Variants in KDM4B observed in about 807,000 individuals in gnomAD.
KDM4B encodes lysine-specific demethylase 4B.
KDM4B carries 32 observed loss-of-function variants against 125.2 expected under a neutral mutation model. That is an observed-to-expected ratio of 0.26 (90% confidence interval 0.19 to 0.34). The LOEUF is 0.34. Ranked by LOEUF, KDM4B falls within the 10% of genes least tolerant of loss-of-function variation. The pLI, the probability that KDM4B is intolerant of heterozygous loss-of-function variation, is 1.00. For synonymous variants in KDM4B, 721 were observed against 677.9 expected, an observed-to-expected ratio of 1.06 and a Z score of -0.99; for missense variants, 1,190 against 1,577.7, an observed-to-expected ratio of 0.75 and a Z score of 4.16.
At chr19:5,147,113 G>A (rs1275623807) in intron 21 of KDM4B, among the ~76,000 whole-genome samples, 1 of 151,540 alleles carries the variant, frequency 6.6e-6, no homozygotes, top group African/African-American at 2.4e-5. Flanking sequence ...GGGAGGTTGA[G>A]CCAGGACCTC....
intron 11 of KDM4B, among the ~76,000 whole-genome samples, chr19:5,124,860 TGCTGGGATTACAGG>T (rs2039422815): frequency 6.6e-6 from 1 of 152,140 alleles, no homozygotes; most frequent in African/African-American, 2.4e-5. Context: ...CCTCCCAAGG[TGCTGGGATTACAGG>T]CCCGAGCCAC....
chr19:5,035,257 C>T lies in KDM4B; in HGVS notation c.141+2226C>T, dbSNP rs919603865. The stretch of plus-strand genomic sequence containing the variant: ...TCCCTTTATCCTGGCACCGCATCTG[C>T]CTCTGTCTCCTGCCCTTGACCTACT... On this transcript the variant is annotated intron_variant, in intron 3 of 22. Coordinates refer to ENST00000159111, the MANE Select transcript of KDM4B (RefSeq NM_015015.3). The surrounding 1 kb of genome is among the most constrained non-coding windows in gnomAD (Gnocchi z 5.3). Among the ~76,000 whole-genome samples the T allele has an allele frequency of 1.3e-5, 2 of 152,170 alleles. No individual in the cohort carries two copies. Among genetic ancestry groups the T allele is most frequent in the Admixed American group, 6.5e-5 (1 of 15,284 alleles).
intron 6 of KDM4B, among the ~76,000 whole-genome samples, chr19:5,056,547 A>G (rs1166642165): frequency 6.6e-6 from 1 of 151,928 alleles, no homozygotes; most frequent in Non-Finnish European, 1.5e-5. Flanking sequence ...CTGAGATTAC[A>G]GGTGCGTGCT....
chr19:5,029,212 C>G (rs1266369209), intron 2 of KDM4B, among the ~76,000 whole-genome samples: 1 of 152,214 alleles, frequency 6.6e-6, no homozygotes, highest in Non-Finnish European at 1.5e-5. Flanking sequence ...CGCCCACCAG[C>G]CTTGGCCCAT....
intron 2 of KDM4B, among the ~76,000 whole-genome samples, chr19:5,018,423 A>G (rs143383664): frequency 9.9e-4 from 151 of 152,310 alleles, no homozygotes; most frequent in East Asian, 5.8e-3. Flanking sequence ...GGGAGAGCAC[A>G]GGAGACAGGA....
chr19:5,021,442 A>C (rs556853054), intron 2 of KDM4B, among the ~76,000 whole-genome samples: 43 of 152,180 alleles, frequency 2.8e-4, no homozygotes, highest in South Asian at 2.5e-3. Context: ...AAACAAATAC[A>C]GAAAGTACTG....
chr19:5,087,831 T>C (rs1388026777), intron 9 of KDM4B, among the ~76,000 whole-genome samples: 1 of 152,136 alleles, frequency 6.6e-6, no homozygotes, highest in Non-Finnish European at 1.5e-5. Flanking sequence ...CCTGACAGAC[T>C]CCCACCTTGA....
intron 9 of KDM4B, among the ~76,000 whole-genome samples, chr19:5,108,582 CAA>C (rs149003009): frequency 2.3e-3 from 355 of 152,286 alleles, no homozygotes; most frequent in African/African-American, 8.0e-3. Flanking sequence ...TGTCTCCAAG[CAA>C]AGTGTGGGCC....
At position 5,081,373 on chromosome 19, in the gene KDM4B, G is replaced by A. The variant is rs927481885; in HGVS notation, c.781-994G>A. On this transcript the variant is annotated intron_variant, in intron 8 of 22. Coordinates refer to ENST00000159111, the MANE Select transcript of KDM4B (RefSeq NM_015015.3). This position sits in a 1 kb window ranked among gnomAD's most constrained non-coding sequence, Gnocchi z 4.2. ...ATCAACGGGCTTAGCAGTGAGCAGG[G>A]AGTGGGGGTCAGTGTGGCCATCTCG... 3.3e-5 allele frequency among the ~76,000 whole-genome samples: 5 copies of A among 152,190 alleles called. No individual in the cohort carries two copies. Among genetic ancestry groups the A allele is most frequent in the African/African-American group, 1.2e-4 (5 of 41,452 alleles).
At chr19:4,998,214 C>A (rs1272757331) in intron 1 of KDM4B, among the ~76,000 whole-genome samples, 1 of 152,172 alleles carries the variant, frequency 6.6e-6, no homozygotes, top group Non-Finnish European at 1.5e-5. Flanking sequence ...GAGTGCCTGG[C>A]AAAGATGTAG....
chr19:5,117,651 G>A (rs927367090), intron 10 of KDM4B, among the ~76,000 whole-genome samples: 2 of 152,172 alleles, frequency 1.3e-5, no homozygotes, highest in Admixed American at 6.5e-5. Flanking sequence ...TCCCAGAGCC[G>A]TCCTTGGGCT....
chr19:5,034,652 C>T (rs1333404322), intron 3 of KDM4B, among the ~76,000 whole-genome samples: 3 of 152,238 alleles, frequency 2.0e-5, no homozygotes, highest in Non-Finnish European at 2.9e-5. Context: ...TCCGGGCCGC[C>T]TCCACCCTGC....
rs1351552996 is a variant in KDM4B at position 5,115,555 on chromosome 19, G to A, written c.1116-4098G>A. Among the ~76,000 whole-genome samples, 5 of 152,168 alleles carry A rather than the reference G, an allele frequency of 3.3e-5. No homozygotes were observed. The highest frequency in any genetic ancestry group is 1.9e-4 in the East Asian group (1 of 5,194). On this transcript the variant is annotated intron_variant, in intron 10 of 22. Transcript: ENST00000159111. This position sits in a 1 kb window ranked among gnomAD's most constrained non-coding sequence, Gnocchi z 4.2. ...CCTTCACCAGGCCCAGCTCACACAC[G>A]GCTTGGCACCGTGCACAGAGGGATC...
intron 9 of KDM4B, among the ~76,000 whole-genome samples, chr19:5,108,239 C>T (rs1200847661): frequency 2.0e-5 from 3 of 152,204 alleles, no homozygotes; most frequent in African/African-American, 4.8e-5. Context: ...ATGGGGATGC[C>T]GGGGCAGTCG....
At chr19:5,032,700 C>T (rs1303168817) in intron 2 of KDM4B, among the ~76,000 whole-genome samples, 166 bp from the exon 3 acceptor site, 12 of 152,196 alleles carry the variant, frequency 7.9e-5, no homozygotes, top group Non-Finnish European at 1.2e-4. Flanking sequence ...GTGACGAGGC[C>T]GCTCGTGGTT....
At chr19:5,131,574 AGG>A in intron 12 of KDM4B, 29 bp downstream of exon 12, 5 of 140,376 alleles carry the variant, frequency 3.6e-5, no homozygotes, top group East Asian at 1.7e-4. Context: ...GGCAGGGAGG[AGG>A]GGGGCAGGTG....
At chr19:5,150,292 G>A (rs764949514) in intron 21 of KDM4B, 66 bp from the exon 22 acceptor site, 21 of 1,401,412 alleles carry the variant, frequency 1.5e-5, no homozygotes, top group Admixed American at 4.0e-5. Context: ...TCTTGAGGCC[G>A]TGGCCTGCCT....
intron 9 of KDM4B, among the ~76,000 whole-genome samples, chr19:5,092,240 G>A (rs781370440): frequency 3.9e-5 from 6 of 152,162 alleles, no homozygotes; most frequent in Non-Finnish European, 8.8e-5. Context: ...TCTCTGGGCT[G>A]GGGCCGTCCT....
chr19:4,989,872 T>C (rs1228096574), intron 1 of KDM4B, among the ~76,000 whole-genome samples: 1 of 152,196 alleles, frequency 6.6e-6, no homozygotes, highest in African/African-American at 2.4e-5. Context: ...AGGCTGGTCT[T>C]GAACTCCTGA....
Sources: allele counts gnomAD v4.1 joint callset (sites outside exome capture counted in the v4.1 genomes callset), GRCh38; gene constraint gnomAD v4.1.1; non-coding constraint Gnocchi (gnomAD v3.1); transcripts MANE v1.5; gene names NCBI Gene and HGNC (gene_info 2026-07-23, HGNC 2026-07-21).